The following KCNQ5 variants were observed in gnomAD, a reference collection of about 807,000 sequenced individuals.
The protein encoded by KCNQ5 is potassium voltage-gated channel subfamily KQT member 5.
In KCNQ5, 30 loss-of-function variants were observed where a neutral mutation model predicts 98.2. The observed-to-expected ratio is 0.31, with a 90% CI of 0.23 to 0.41. The LOEUF is 0.41. KCNQ5 is among the 10% of genes least tolerant of loss of function. The probability of loss-of-function intolerance (pLI) is 1.00; values close to 1 mark genes in which losing one functional copy is unlikely to be tolerated. For synonymous variants in KCNQ5, 458 were observed against 449.4 expected, an observed-to-expected ratio of 1.02 and a Z score of -0.24; for missense variants, 835 against 1,182.5, an observed-to-expected ratio of 0.71 and a Z score of 4.31.
chr6:72,842,328 G>T (rs1338085718), intron 1 of KCNQ5, among the ~76,000 whole-genome samples: 1 of 152,172 alleles, frequency 6.6e-6, no homozygotes, highest in Non-Finnish European at 1.5e-5. Flanking sequence ...TGCCTGTAGG[G>T]CTAGACAGCA....
chr6:72,682,627 C>T (rs1273936821), intron 1 of KCNQ5, among the ~76,000 whole-genome samples: 1 of 152,176 alleles, frequency 6.6e-6, no homozygotes, highest in Non-Finnish European at 1.5e-5. Flanking sequence ...CTCTTATACC[C>T]CTACTTTACT....
At chr6:73,109,026 A>G (rs1775119147) in intron 6 of KCNQ5, among the ~76,000 whole-genome samples, 1 of 152,202 alleles carries the variant, frequency 6.6e-6, no homozygotes, top group African/African-American at 2.4e-5. Flanking sequence ...CAAATATAAT[A>G]GACCTTATTT....
chr6:72,715,644 T>C (rs1382053412), intron 1 of KCNQ5, among the ~76,000 whole-genome samples: 1 of 152,208 alleles, frequency 6.6e-6, no homozygotes, highest in South Asian at 2.1e-4. Flanking sequence ...GTAATTTACC[T>C]AGAAATATGG....
intron 10 of KCNQ5, among the ~76,000 whole-genome samples, chr6:73,141,876 A>G (rs1776727934): frequency 6.6e-6 from 1 of 152,254 alleles, no homozygotes; most frequent in Admixed American, 6.5e-5. Flanking sequence ...TAGTGGTTTG[A>G]AATAACACAT....
At position 73,088,409 on chromosome 6, in the gene KCNQ5, A is replaced by G. The variant is rs145225953; in HGVS notation, c.918+10522A>G. On this transcript the variant is annotated intron_variant, in intron 5 of 13. Coordinates refer to ENST00000370398, the MANE Select transcript of KCNQ5 (RefSeq NM_019842.4). ...CATTCTCTATTGAGTTTCCATTTAT[A>G]TAACCCTTTCCCGATTGTTCTACTT... Among the ~76,000 whole-genome samples the G allele has an allele frequency of 1.4e-3, 206 of 152,302 alleles. 1 individual carries two copies. The highest frequency in any genetic ancestry group is 1.7e-3 in the Admixed American group (26 of 15,282).
intron 1 of KCNQ5, among the ~76,000 whole-genome samples, chr6:72,658,355 A>C (rs1582062995): frequency 6.6e-6 from 1 of 151,048 alleles, no homozygotes; most frequent in East Asian, 1.9e-4. Flanking sequence ...GTCTTGGCTC[A>C]CTGCAACCTC....
chr6:72,683,363 C>CTTTTTT (rs142268901), intron 1 of KCNQ5, among the ~76,000 whole-genome samples: 3 of 113,264 alleles, frequency 2.6e-5, no homozygotes, highest in East Asian at 2.5e-4. Flanking sequence ...GCCACATATA[C>CTTTTTT]TTTTTTTTTT....
At chr6:73,126,395 TTGTAC>T (rs2150447320) in intron 9 of KCNQ5, among the ~76,000 whole-genome samples, 1 of 152,322 alleles carries the variant, frequency 6.6e-6, no homozygotes, top group East Asian at 1.9e-4. Flanking sequence ...CACAATGATA[TTGTAC>T]TGTTTTTAAA....
chr6:72,725,327 C>G (rs1329366010), intron 1 of KCNQ5, among the ~76,000 whole-genome samples: 1 of 152,004 alleles, frequency 6.6e-6, no homozygotes, highest in Non-Finnish European at 1.5e-5. Context: ...TATGCTTGTA[C>G]AAGTTTTCCC....
At chr6:72,840,672 A>C (rs1776747906) in intron 1 of KCNQ5, among the ~76,000 whole-genome samples, 1 of 152,204 alleles carries the variant, frequency 6.6e-6, no homozygotes, top group Non-Finnish European at 1.5e-5. Context: ...AGGTTCAATT[A>C]GGAGCTTACT....
At chr6:72,935,078 T>TC (rs1167004700) in intron 1 of KCNQ5, among the ~76,000 whole-genome samples, 2 of 146,302 alleles carry the variant, frequency 1.4e-5, no homozygotes, top group Non-Finnish European at 3.0e-5. Context: ...TTTTTTTTTT[T>TC]TTTTTTTTTT....
At chr6:72,883,015 G>A (rs183570564) in intron 1 of KCNQ5, among the ~76,000 whole-genome samples, 55 of 152,300 alleles carry the variant, frequency 3.6e-4, no homozygotes, top group African/African-American at 1.2e-3. Flanking sequence ...ACTCACGCAT[G>A]TGTTGGTCTG....
At chr6:72,749,219 C>A (rs541248802) in intron 1 of KCNQ5, among the ~76,000 whole-genome samples, 77 of 152,226 alleles carry the variant, frequency 5.1e-4, no homozygotes, top group African/African-American at 1.8e-3. Flanking sequence ...AAAGGTGAAT[C>A]CTTGCTCTGA....
intron 1 of KCNQ5, among the ~76,000 whole-genome samples, chr6:72,746,866 G>A (rs1415566115): frequency 6.6e-6 from 1 of 152,064 alleles, no homozygotes; most frequent in East Asian, 1.9e-4. Context: ...ATACATTATA[G>A]ATACTAATGT....
chr6:72,733,781 C>G (rs1343128480), intron 1 of KCNQ5, among the ~76,000 whole-genome samples: 1 of 152,198 alleles, frequency 6.6e-6, no homozygotes, highest in East Asian at 1.9e-4. Context: ...TTAATGGTTT[C>G]TAATGGGTAA....
At chr6:72,846,753 G>A (rs1445799643) in intron 1 of KCNQ5, among the ~76,000 whole-genome samples, 1 of 152,154 alleles carries the variant, frequency 6.6e-6, no homozygotes, top group African/African-American at 2.4e-5. Context: ...GCTGTTAAAA[G>A]TGTCAAATTC....
chr6:72,729,584 T>A (rs1770457536), intron 1 of KCNQ5, among the ~76,000 whole-genome samples: 1 of 152,210 alleles, frequency 6.6e-6, no homozygotes, highest in Non-Finnish European at 1.5e-5. Flanking sequence ...TATGAGTTTT[T>A]AATTTTAAAA....
chr6:72,978,732 G>A (rs1213015911), intron 1 of KCNQ5, among the ~76,000 whole-genome samples: 1 of 152,158 alleles, frequency 6.6e-6, no homozygotes, highest in African/African-American at 2.4e-5. Flanking sequence ...CAACGTGCAG[G>A]TTTGTTACAT....
intron 10 of KCNQ5, among the ~76,000 whole-genome samples, chr6:73,149,789 T>C (rs1582447329): frequency 1.0e-5 from 1 of 99,624 alleles, no homozygotes. Flanking sequence ...AGTGGGAGAC[T>C]CCGAAAAAAA....
Sources: gnomAD v4.1 joint callset for allele counts (sites outside exome capture counted in the v4.1 genomes callset) on GRCh38, gnomAD v4.1.1 for gene constraint, MANE v1.5 for transcripts, NCBI Gene and HGNC (gene_info 2026-07-23, HGNC 2026-07-21) for gene names.